ELMO1: variants seen among roughly 807,000 people sequenced by gnomAD.
ELMO1 encodes the protein engulfment and cell motility 1, also known as engulfment and cell motility protein 1.
ELMO1 carries 26 observed loss-of-function variants against 98.9 expected under a neutral mutation model. The ratio of observed to expected loss-of-function variants is 0.26; its 90% confidence interval spans 0.19 to 0.36. The LOEUF (loss-of-function observed/expected upper bound fraction) is 0.36. ELMO1 is among the 10% of genes least tolerant of loss of function. The pLI is 1.00. For missense variants in ELMO1, 627 were observed against 935.2 expected (o/e 0.67, Z 4.30); for synonymous variants, 346 against 346.0 (o/e 1.00, Z 0.00).
At chr7:36,978,243 G>C (rs574255235) in intron 16 of ELMO1, among the ~76,000 whole-genome samples, 121 of 151,948 alleles carry the variant, frequency 8.0e-4, no homozygotes, top group Middle Eastern at 3.4e-3. Context: ...GGAGCCCAGA[G>C]GTAGAGCCCC....
chr7:37,266,247 T>C (rs942549056), intron 5 of ELMO1, among the ~76,000 whole-genome samples: 3 of 152,032 alleles, frequency 2.0e-5, no homozygotes, highest in Admixed American at 1.3e-4. Context: ...ATTGAAAACC[T>C]GAATTGAAAA....
At chr7:37,350,279 G>T (rs115633191) in intron 1 of ELMO1, among the ~76,000 whole-genome samples, 1 of 152,320 alleles carries the variant, frequency 6.6e-6, no homozygotes, top group South Asian at 2.1e-4. Context: ...TTCTGTACAC[G>T]CTAGCCATGT....
chr7:36,860,555 T>C (rs1382676683), intron 21 of ELMO1, among the ~76,000 whole-genome samples: 1 of 152,246 alleles, frequency 6.6e-6, no homozygotes, highest in Admixed American at 6.5e-5. Context: ...CTGGAATTAA[T>C]GTACACTGGG....
At chr7:36,930,594 G>A (rs895024411) in intron 16 of ELMO1, among the ~76,000 whole-genome samples, 2 of 152,222 alleles carry the variant, frequency 1.3e-5, no homozygotes, top group Admixed American at 6.5e-5. Flanking sequence ...CAAAAGAGTA[G>A]TCATAATTGA....
chr7:37,407,628 A>G (rs1354205096), intron 1 of ELMO1, among the ~76,000 whole-genome samples: 1 of 152,224 alleles, frequency 6.6e-6, no homozygotes, highest in African/African-American at 2.4e-5. Context: ...GCAAAACTAT[A>G]GAGACAATAA....
chr7:37,082,804 C>T (rs1367041356), intron 15 of ELMO1, among the ~76,000 whole-genome samples: 1 of 152,192 alleles, frequency 6.6e-6, no homozygotes, highest in South Asian at 2.1e-4. Flanking sequence ...GTCACACCTG[C>T]ATGGGAGAGG....
chr7:37,395,183 T>C lies in ELMO1; in HGVS notation c.-73-52420A>G, dbSNP rs1047052002. ...GAGTTTGAGACCAGCCTGACCAACATGGAGAAACCCCGTCTCTACTAAAAT... is the reference window on the plus strand; with the variant it reads ...GAGTTTGAGACCAGCCTGACCAACACGGAGAAACCCCGTCTCTACTAAAAT... On this transcript the variant is annotated intron_variant, in intron 1 of 21. Coordinates refer to ENST00000310758, the MANE Select transcript of ELMO1 (RefSeq NM_014800.11). Among the ~76,000 whole-genome samples, 3 of 151,926 alleles carry C rather than the reference T, an allele frequency of 2.0e-5. No homozygotes were observed. The South Asian group carries it at 6.2e-4, about 31-fold the overall frequency.
rs142955812 is a variant in ELMO1, at chr7:36,864,400, C to T, written c.1906-2664G>A. Reference sequence around the variant, plus strand: ...AAACACAGGCAGGAAATGGGAAATTCGTGAGAATGTCAATTCCCACTTTAA... The same window carrying T: ...AAACACAGGCAGGAAATGGGAAATTTGTGAGAATGTCAATTCCCACTTTAA... On this transcript the variant is annotated intron_variant, in intron 20 of 21. Coordinates refer to ENST00000310758, the MANE Select transcript of ELMO1 (RefSeq NM_014800.11). 9.9e-3 allele frequency among the ~76,000 whole-genome samples: 1,502 copies of T among 152,142 alleles called. 32 individuals are homozygous for T. Among genetic ancestry groups the T allele is most frequent in the African/African-American group, 0.034 (1,424 of 41,490 alleles).
chr7:37,165,271 G>T (rs1280594306), intron 13 of ELMO1, among the ~76,000 whole-genome samples: 1 of 152,126 alleles, frequency 6.6e-6, no homozygotes, highest in Non-Finnish European at 1.5e-5. Flanking sequence ...ATTCAATCAT[G>T]TCATCTGCAA....
intron 13 of ELMO1, among the ~76,000 whole-genome samples, chr7:37,198,196 G>A (rs955181703): frequency 6.6e-6 from 1 of 152,142 alleles, no homozygotes; most frequent in African/African-American, 2.4e-5. Flanking sequence ...GCACTCTTAC[G>A]AAATTCTCTA....
chr7:37,376,813 A>G (rs1802368014), intron 1 of ELMO1, among the ~76,000 whole-genome samples: 1 of 152,318 alleles, frequency 6.6e-6, no homozygotes, highest in African/African-American at 2.4e-5. Context: ...CCACCGTCTC[A>G]GCGTTTTGGC....
rs183553214 is a variant in ELMO1, at chr7:37,145,904, G to A, written c.1087-12670C>T. ...GGTCATGTTCTGTAAGGGGAAAAGAGGTCATCTAGGAACTCTGTCAAATGA... is the reference window on the plus strand; with the variant it reads ...GGTCATGTTCTGTAAGGGGAAAAGAAGTCATCTAGGAACTCTGTCAAATGA... On this transcript the variant is annotated intron_variant, in intron 13 of 21. Coordinates refer to ENST00000310758, the MANE Select transcript of ELMO1 (RefSeq NM_014800.11). Among the ~76,000 whole-genome samples the A allele has an allele frequency of 2.0e-5, 3 of 152,294 alleles. No homozygotes were observed. In the East Asian group the frequency reaches 5.8e-4, roughly 29 times the overall value.
intron 4 of ELMO1, among the ~76,000 whole-genome samples, chr7:37,283,639 C>T (rs1797250704): frequency 6.6e-6 from 1 of 152,216 alleles, no homozygotes; most frequent in Admixed American, 6.5e-5. Context: ...TGGGGCAGCC[C>T]CAGCAAGGGC....
chr7:37,033,408 G>C (rs1470699171), intron 15 of ELMO1: 2 of 455,894 alleles, frequency 4.4e-6, no homozygotes, highest in South Asian at 1.5e-5. Flanking sequence ...CAGGAGATAA[G>C]TGATCTATGA....
At chr7:36,925,951 C>T (rs911810576) in intron 16 of ELMO1, among the ~76,000 whole-genome samples, 12 of 152,190 alleles carry the variant, frequency 7.9e-5, no homozygotes, top group Non-Finnish European at 1.8e-4. Context: ...AGCAGCGACA[C>T]CCAGGACTGA....
At chr7:37,401,463 T>C (rs1459590901) in intron 1 of ELMO1, among the ~76,000 whole-genome samples, 1 of 152,190 alleles carries the variant, frequency 6.6e-6, no homozygotes, top group Non-Finnish European at 1.5e-5. Context: ...AGACAGTGTA[T>C]TAGTCTGTTC....
In ELMO1 at chr7:37,167,544, A is replaced by T. The variant is rs531247911; in HGVS notation, c.1087-34310T>A. The stretch of plus-strand genomic sequence containing the variant: ...TTTAGGGCAGGCCTGGTGGTGACAA[A>T]ATCTCTCAGCATTTGCTTGTCTGTA... On this transcript the variant is annotated intron_variant, in intron 13 of 21. Transcript: ENST00000310758. Among the ~76,000 whole-genome samples the T allele has an allele frequency of 2.7e-3, 411 of 149,992 alleles. 3 individuals carry two copies. The highest frequency in any genetic ancestry group is 5.1e-3 in the Non-Finnish European group (341 of 67,036).
intron 10 of ELMO1, chr7:37,217,699 G>A (rs773985637): frequency 2.8e-5 from 13 of 456,992 alleles, no homozygotes; most frequent in African/African-American, 8.0e-5. Context: ...CAAAGGGAAC[G>A]TGGGTGACTT....
intron 1 of ELMO1, among the ~76,000 whole-genome samples, chr7:37,378,097 C>T (rs1007830442): frequency 1.3e-5 from 2 of 152,188 alleles, no homozygotes; most frequent in African/African-American, 4.8e-5. Context: ...AGAAGTACAA[C>T]CCAAGTTCAG....
Sources: gnomAD v4.1 joint callset for allele counts (sites outside exome capture counted in the v4.1 genomes callset) on GRCh38, gnomAD v4.1.1 for gene constraint, MANE v1.5 for transcripts, NCBI Gene and HGNC (gene_info 2026-07-23, HGNC 2026-07-21) for gene names.